Variants in TTLL6 observed in about 807,000 individuals in gnomAD.
TTLL6 encodes tubulin polyglutamylase TTLL6.
TTLL6 carries 75 observed loss-of-function variants against 96.4 expected under a neutral mutation model. That is an observed-to-expected ratio of 0.78 (90% CI 0.65 to 0.94). The LOEUF is 0.94. Ranked by LOEUF, TTLL6 falls within the 40% of genes least tolerant of loss-of-function variation. The pLI is 0.00. For synonymous variants in TTLL6, 411 were observed against 419.4 expected (o/e 0.98, Z 0.24); for missense variants, 1,030 against 1,093.0 (o/e 0.94, Z 0.81).
In TTLL6 at chr17:48,817,080, C is replaced by A; in HGVS notation, c.-8G>T. ...AAGGAGTAACGCTCCCATTGGCTGC[C>A]AGACAGCCCCAACCCCAACCCGCGC... On this transcript the variant is annotated 5_prime_UTR_variant, in exon 1 of 16. Coordinates refer to ENST00000393382, the MANE Select transcript of TTLL6 (RefSeq NM_001130918.3). 6.5e-7 allele frequency: 1 copy of A among 1,538,244 alleles called. No homozygotes were observed. Among genetic ancestry groups the A allele is most frequent in the Non-Finnish European group, 8.7e-7 (1 of 1,143,338 alleles).
chr17:48,774,483 A>C (rs541019416), intron 13 of TTLL6, among the ~76,000 whole-genome samples: 1 of 151,624 alleles, frequency 6.6e-6, no homozygotes, highest in Admixed American at 6.6e-5. Flanking sequence ...GTTTTTTTTT[A>C]AAAGGTCAAT....
chr17:48,794,553 G>A lies in TTLL6; in HGVS notation c.998+1508C>T, dbSNP rs956994336. On this transcript the variant is annotated intron_variant, in intron 8 of 15. Transcript: ENST00000393382. Reference sequence around the variant, plus strand: ...CCTCCCAGAGTGCCACGCTCAGAACGCAGCAATGCAAGAGGCCCAGCTGAT... The same window carrying A: ...CCTCCCAGAGTGCCACGCTCAGAACACAGCAATGCAAGAGGCCCAGCTGAT... Among the ~76,000 whole-genome samples, 10 of 152,180 alleles carry A rather than the reference G, an allele frequency of 6.6e-5. 1 individual carries two copies. The highest frequency in any genetic ancestry group is 6.5e-5 in the Admixed American group (1 of 15,276).
chr17:48,787,450 G>A (rs561491865), intron 11 of TTLL6, among the ~76,000 whole-genome samples: 3 of 152,130 alleles, frequency 2.0e-5, no homozygotes, highest in African/African-American at 7.2e-5. Flanking sequence ...GAGTGCAGGG[G>A]TGCAATCACA....
intron 13 of TTLL6, among the ~76,000 whole-genome samples, chr17:48,783,341 G>C (rs2039024990): frequency 6.6e-6 from 1 of 152,090 alleles, no homozygotes; most frequent in African/African-American, 2.4e-5. Flanking sequence ...ATCTGTGCTA[G>C]GGCAGTTAGT....
At chr17:48,794,103 A>G (rs565867277) in intron 8 of TTLL6, 3 of 1,555,826 alleles carry the variant, frequency 1.9e-6, no homozygotes, top group Non-Finnish European at 2.6e-6. Context: ...TCCAGGAGAG[A>G]GTGGATGGAG....
intron 13 of TTLL6, among the ~76,000 whole-genome samples, chr17:48,774,367 T>C (rs1035572043): frequency 4.6e-5 from 7 of 151,294 alleles, no homozygotes; most frequent in Non-Finnish European, 8.8e-5. Flanking sequence ...TTTCACCGTG[T>C]TGCCCAGGCT....
intron 13 of TTLL6, among the ~76,000 whole-genome samples, chr17:48,775,129 A>G (rs2038845012): frequency 6.6e-6 from 1 of 152,136 alleles, no homozygotes; most frequent in South Asian, 2.1e-4. Context: ...TCTTAAAAAA[A>G]AAAAAGAAAG....
chr17:48,800,054 GATA>G, intron 5 of TTLL6: 1 of 302,962 alleles, frequency 3.3e-6, no homozygotes, highest in Non-Finnish European at 6.2e-6. Flanking sequence ...ATACAGTGAG[GATA>G]ATAACGACAC....
chr17:48,801,241 CG>C lies in TTLL6; in HGVS notation c.611+13del, dbSNP rs776705658. 1.3e-6 allele frequency: 2 copies of C among 1,549,892 alleles called. No individual in the cohort carries two copies. Among genetic ancestry groups the C allele is most frequent in the Non-Finnish European group, 8.7e-7 (1 of 1,145,858 alleles). On this transcript the variant is annotated intron_variant, in intron 5 of 15. Transcript: ENST00000393382. ...GGGGAGTGGAGAAGGAAGTACAGGG[CG>C]GGGGGCACTCACTCAGCAGGAAGAC...
chr17:48,764,373 C>T (rs962768268), intron 15 of TTLL6, among the ~76,000 whole-genome samples: 1 of 152,192 alleles, frequency 6.6e-6, no homozygotes, highest in Admixed American at 6.5e-5. Flanking sequence ...AAACATAGAG[C>T]TGTTTGTCCA....
In TTLL6 at chr17:48,817,012, T is replaced by G. The variant is rs558582787; in HGVS notation, c.61A>C (p.Thr21Pro). The G allele has an allele frequency of 1.5e-5, 23 of 1,544,246 alleles. No individual in the cohort carries two copies. In the African/African-American group the frequency reaches 3.0e-4, roughly 20 times the overall value. The change falls in exon 1 of 16, where the codon ACT becomes CCT. Residue 21 changes from threonine (T) to proline (P), a missense_variant. Physicochemically the swap from Thr to Pro is conservative, Grantham distance 38. Coordinates refer to ENST00000393382, the MANE Select transcript of TTLL6 (RefSeq NM_001130918.3). ...CCGTCTCGCCCCGCTGGGCTGCTAG[T>G]CCAGCTTGCAACCACACCTGCCGGC... ...RGPAGVVASW[T>P]SSPAGRDGGV...
intron 13 of TTLL6, among the ~76,000 whole-genome samples, chr17:48,782,802 C>A (rs1397319556): frequency 6.6e-6 from 1 of 152,118 alleles, no homozygotes; most frequent in Non-Finnish European, 1.5e-5. Flanking sequence ...CAACCTCCGC[C>A]TCCTGGGTTC....
intron 13 of TTLL6, among the ~76,000 whole-genome samples, chr17:48,771,527 G>A (rs1477710400): frequency 6.6e-6 from 1 of 152,044 alleles, no homozygotes; most frequent in Non-Finnish European, 1.5e-5. Flanking sequence ...AGCTACTCGG[G>A]AGGCTGAGGC....
At chr17:48,796,724 T>C (rs896247158) in intron 7 of TTLL6, among the ~76,000 whole-genome samples, 2 of 151,972 alleles carry the variant, frequency 1.3e-5, no homozygotes, top group Non-Finnish European at 2.9e-5. Flanking sequence ...GATGGCAGGG[T>C]TGCTCATCCA....
intron 15 of TTLL6, among the ~76,000 whole-genome samples, chr17:48,763,919 G>A (rs1567711151): frequency 6.6e-6 from 1 of 152,038 alleles, no homozygotes; most frequent in African/African-American, 2.4e-5. Context: ...AGCTGAGATC[G>A]CGCCACTGCA....
intron 13 of TTLL6, among the ~76,000 whole-genome samples, chr17:48,772,793 C>CA (rs1423537878): frequency 2.0e-5 from 3 of 148,112 alleles, no homozygotes; most frequent in African/African-American, 7.5e-5. Flanking sequence ...GGAATCTAAG[C>CA]AAAAAAACAC....
At chr17:48,801,473 C>T in intron 4 of TTLL6, 52 bp downstream of exon 4, 1 of 1,551,042 alleles carries the variant, frequency 6.4e-7, no homozygotes, top group Non-Finnish European at 8.7e-7. Flanking sequence ...AAATGGGGCC[C>T]CGCCGGGTAA....
intron 13 of TTLL6, 55 bp from the exon 14 acceptor site, chr17:48,770,152 A>G: frequency 1.3e-6 from 2 of 1,521,300 alleles, no homozygotes; most frequent in South Asian, 1.3e-5. Flanking sequence ...GTTCCTTCCT[A>G]TGCTATTTTT....
chr17:48,795,898 G>A (rs1358021294), intron 8 of TTLL6, among the ~76,000 whole-genome samples, 163 bp downstream of exon 8: 2 of 152,224 alleles, frequency 1.3e-5, no homozygotes, highest in African/African-American at 4.8e-5. Context: ...AGAGGGCAGA[G>A]ATGAAGGAAT....
Sources: gnomAD v4.1 joint callset for allele counts (sites outside exome capture counted in the v4.1 genomes callset) on GRCh38, gnomAD v4.1.1 for gene constraint, MANE v1.5 for transcripts, NCBI Gene and HGNC (gene_info 2026-07-23, HGNC 2026-07-21) for gene names.